The following RANBP3L variants were observed in gnomAD, a reference collection of about 807,000 sequenced individuals.
RANBP3L encodes the protein RAN binding protein 3 like.
Under a neutral mutation model 67.2 loss-of-function variants are expected in RANBP3L, and 56 were observed. The ratio of observed to expected loss-of-function variants is 0.83; its 90% CI spans 0.67 to 1.04. The LOEUF (loss-of-function observed/expected upper bound fraction) is 1.04. Ranked by LOEUF, RANBP3L falls within the 50% of genes least tolerant of loss-of-function variation. RANBP3L has a pLI of 0.00. For synonymous variants in RANBP3L, 164 were observed against 181.4 expected (o/e 0.90, Z 0.77); for missense variants, 496 against 535.5 (o/e 0.93, Z 0.73).
At chr5:36,281,584 GC>G (rs1252188511) in intron 1 of RANBP3L, among the ~76,000 whole-genome samples, 5 of 152,154 alleles carry the variant, frequency 3.3e-5, no homozygotes, top group African/African-American at 1.2e-4. Context: ...GCTCTTTCCT[GC>G]CTTTCATGGT....
At chr5:36,271,460 T>C in intron 1 of RANBP3L, 149 bp from the exon 2 acceptor site, 1 of 604,338 alleles carries the variant, frequency 1.7e-6, no homozygotes, top group Non-Finnish European at 3.0e-6. Context: ...TACTATCAAT[T>C]GCACATTTAT....
intron 4 of RANBP3L, chr5:36,268,138 A>G: frequency 8.7e-7 from 1 of 1,153,854 alleles, no homozygotes; most frequent in Non-Finnish European, 1.2e-6. Context: ...ATCATTAATA[A>G]GAATGATTTT....
intron 5 of RANBP3L, 145 bp from the exon 6 acceptor site, chr5:36,265,243 G>A: frequency 1.5e-6 from 1 of 688,314 alleles, no homozygotes; most frequent in Non-Finnish European, 2.3e-6. Context: ...AATAACCATT[G>A]AGTTCCCCAA....
intron 8 of RANBP3L, among the ~76,000 whole-genome samples, chr5:36,259,355 G>A (rs1157853229): frequency 6.6e-6 from 1 of 152,176 alleles, no homozygotes; most frequent in Non-Finnish European, 1.5e-5. Flanking sequence ...GCCTGAGGCG[G>A]GTGGATCGCT....
At position 36,275,293 on chromosome 5, in the gene RANBP3L, G is replaced by A. The variant is rs988965576; in HGVS notation, c.92-3982C>T. ...TTAAATATGGTTTCTGCCACTTACA[G>A]ATGAGGAAACTAAGGCTTGGTTTAG... On this transcript the variant is annotated intron_variant, in intron 1 of 13. Coordinates refer to ENST00000296604, the MANE Select transcript of RANBP3L (RefSeq NM_145000.5). Among the ~76,000 whole-genome samples the A allele has an allele frequency of 3.9e-5, 6 of 152,300 alleles. No homozygotes were observed. In the South Asian group the frequency reaches 6.2e-4, roughly 16 times the overall value.
intron 1 of RANBP3L, among the ~76,000 whole-genome samples, chr5:36,299,160 A>G (rs1048840967): frequency 2.0e-5 from 3 of 152,132 alleles, no homozygotes; most frequent in African/African-American, 4.8e-5. Flanking sequence ...TGAACATTGG[A>G]TTCCAAGTTC....
intron 1 of RANBP3L, among the ~76,000 whole-genome samples, chr5:36,298,184 G>A (rs540693804): frequency 4.0e-5 from 6 of 151,424 alleles, no homozygotes. Context: ...CCTGTAGTCC[G>A]AGCTACTCAG....
chr5:36,262,810 G>C (rs982032885), intron 6 of RANBP3L, among the ~76,000 whole-genome samples: 1 of 152,094 alleles, frequency 6.6e-6, no homozygotes, highest in Non-Finnish European at 1.5e-5. Flanking sequence ...TATCAAGAGA[G>C]CATGTGCCAT....
At chr5:36,271,204 T>C (rs1750183460) in intron 2 of RANBP3L, 49 bp downstream of exon 2, 1 of 1,048,646 alleles carries the variant, frequency 9.5e-7, no homozygotes, top group East Asian at 2.4e-5. Context: ...TCCTGAAATA[T>C]AATTGTCTTT....
intron 8 of RANBP3L, among the ~76,000 whole-genome samples, chr5:36,259,407 C>A (rs1158357341): frequency 6.6e-6 from 1 of 152,022 alleles, no homozygotes; most frequent in African/African-American, 2.4e-5. Flanking sequence ...CATGGTGAAA[C>A]CCCGTCTCTA....
intron 1 of RANBP3L, among the ~76,000 whole-genome samples, chr5:36,271,582 A>C (rs1750216685): frequency 6.6e-6 from 1 of 152,176 alleles, no homozygotes; most frequent in African/African-American, 2.4e-5. Context: ...TTTAAGGAAA[A>C]CAAAATATAA....
At chr5:36,278,669 A>G (rs1260791955) in intron 1 of RANBP3L, among the ~76,000 whole-genome samples, 1 of 152,162 alleles carries the variant, frequency 6.6e-6, no homozygotes, top group Admixed American at 6.6e-5. Flanking sequence ...ACCGTATACT[A>G]TAATTACTAC....
At chr5:36,264,348 C>G (rs1749603812) in intron 6 of RANBP3L, among the ~76,000 whole-genome samples, 1 of 152,170 alleles carries the variant, frequency 6.6e-6, no homozygotes, top group African/African-American at 2.4e-5. Context: ...AGACAGGTAG[C>G]ACTACAGCAA....
chr5:36,293,550 G>A (rs1344208249), intron 1 of RANBP3L, among the ~76,000 whole-genome samples: 3 of 148,138 alleles, frequency 2.0e-5, no homozygotes, highest in Non-Finnish European at 3.0e-5. Flanking sequence ...GTCATAGATA[G>A]CTCTTGTTAT....
intron 4 of RANBP3L, chr5:36,268,306 G>A (rs996812079): frequency 6.4e-6 from 9 of 1,411,194 alleles, no homozygotes; most frequent in Non-Finnish European, 8.5e-6. Context: ...TAAGAAAGTG[G>A]GTTTTTTGTT....
chr5:36,290,898 A>ATTTTTTTTT (rs758051439), intron 1 of RANBP3L, among the ~76,000 whole-genome samples: 6 of 120,882 alleles, frequency 5.0e-5, no homozygotes, highest in African/African-American at 6.5e-5. Context: ...TGCCTGGCTA[A>ATTTTTTTTT]TTTTTTTTTT....
At chr5:36,257,636 C>T in intron 8 of RANBP3L, 80 bp from the exon 9 acceptor site, 1 of 593,122 alleles carries the variant, frequency 1.7e-6, no homozygotes, top group Non-Finnish European at 2.9e-6. Context: ...TAAGACACTT[C>T]CGTTTTTCTG....
Position 36,257,510 on chromosome 5 carries a change from G to A in RANBP3L, c.716C>T (p.Ala239Val). ...AATGGATTTGAATGGTTTTTCCTTG[G>A]CATATGAATCATTTTCAAGTTGAGG... ...TQPQLENDSY[A>V]KEKPFKSIPK... The change falls in exon 9 of 14, where the codon GCC becomes GTC. Residue 239 changes from alanine (A) to valine (V), a missense_variant. Coordinates refer to ENST00000296604, the MANE Select transcript of RANBP3L (RefSeq NM_145000.5). 1 of 1,598,354 alleles carries A rather than the reference G, an allele frequency of 6.3e-7. No homozygotes were observed. The highest frequency in any genetic ancestry group is 8.5e-7 in the Non-Finnish European group (1 of 1,170,034).
chr5:36,257,201 T>C lies in RANBP3L; in HGVS notation c.773-130A>G, dbSNP rs927681216. 7.8e-6 allele frequency: 6 copies of C among 772,820 alleles called. No individual in the cohort carries two copies. The African/African-American group carries it at 1.1e-4, about 14-fold the overall frequency. The allele number at this position is 772,820 out of a possible 1,614,324, so 47.9% of individuals were successfully genotyped here. A position where few individuals can be genotyped will look rare whatever the true frequency, so the allele number is the denominator to read the frequency against. On this transcript the variant is annotated intron_variant, in intron 9 of 13. Transcript: ENST00000296604. ...AGTAAGTGATTCTAAAAATTCAGAC[T>C]GCTTGAGTTGGTGTAAAATCTCCTT... is the stretch of plus-strand genomic sequence containing the variant.
Sources: gnomAD v4.1 joint callset for allele counts (sites outside exome capture counted in the v4.1 genomes callset) on GRCh38, gnomAD v4.1.1 for gene constraint, MANE v1.5 for transcripts, NCBI Gene and HGNC (gene_info 2026-07-23, HGNC 2026-07-21) for gene names.